AKAP6: variants seen among roughly 807,000 people sequenced by gnomAD.
AKAP6 encodes A-kinase anchoring protein 6.
In AKAP6, 58 loss-of-function variants were observed where a neutral mutation model predicts 188.5. That is an observed-to-expected ratio of 0.31 (90% CI 0.25 to 0.38). AKAP6 has a LOEUF of 0.38. AKAP6 is among the 10% of genes least tolerant of loss of function. The pLI is 1.00. For synonymous variants in AKAP6, 989 were observed against 998.6 expected (o/e 0.99, Z 0.18); for missense variants, 2,710 against 2,740.0 (o/e 0.99, Z 0.24).
intron 1 of AKAP6, among the ~76,000 whole-genome samples, chr14:32,390,348 G>A (rs918897338): frequency 1.3e-5 from 2 of 152,050 alleles, no homozygotes; most frequent in Admixed American, 6.6e-5. Flanking sequence ...TCTTTTTCAG[G>A]TAAATCAGGG....
intron 11 of AKAP6, among the ~76,000 whole-genome samples, chr14:32,741,819 G>GTTT (rs34015837): frequency 0.011 from 813 of 70,702 alleles, 82 homozygotes; most frequent in African/African-American, 0.038. Flanking sequence ...TAGCCTGTAG[G>GTTT]TTTTTTTTTT....
chr14:32,821,936 A>G lies in AKAP6; in HGVS notation c.4123A>G (p.Thr1375Ala). 3 of 1,613,942 alleles carry G rather than the reference A, an allele frequency of 1.9e-6. No individual in the cohort carries two copies. The highest frequency in any genetic ancestry group is 2.2e-5 in the East Asian group (1 of 44,870). ...TGTCAGTGAAGGAGACACAGAAACC[A>G]CTACCAACTCTGAAATGTGCTTGCT... ...GIVSEGDTET[T>A]TNSEMCLLNA... Residue 1375 changes from threonine (T) to alanine (A), a missense_variant, in exon 13 of 14, where the codon ACT becomes GCT. Coordinates refer to ENST00000280979, the MANE Select transcript of AKAP6 (RefSeq NM_004274.5).
chr14:32,745,882 C>G (rs924155679), intron 11 of AKAP6, among the ~76,000 whole-genome samples: 1 of 152,180 alleles, frequency 6.6e-6, no homozygotes, highest in Non-Finnish European at 1.5e-5. Flanking sequence ...ACTCAAATCA[C>G]AAGATGCAGT....
At chr14:32,800,145 CATATATACAT>C (rs1488695655) in intron 12 of AKAP6, among the ~76,000 whole-genome samples, 18 of 115,160 alleles carry the variant, frequency 1.6e-4, no homozygotes, top group East Asian at 4.4e-4. Flanking sequence ...TATATACACA[CATATATACAT>C]ATATATACAC....
At chr14:32,804,402 C>T (rs2034034698) in intron 12 of AKAP6, among the ~76,000 whole-genome samples, 4 of 152,030 alleles carry the variant, frequency 2.6e-5, no homozygotes, top group African/African-American at 9.7e-5. Context: ...TTGGTAGGAC[C>T]ACGAAGCCCG....
At chr14:32,519,787 C>T (rs1310397648) in intron 2 of AKAP6, among the ~76,000 whole-genome samples, 4 of 152,072 alleles carry the variant, frequency 2.6e-5, no homozygotes, top group South Asian at 4.2e-4. Flanking sequence ...GACAGATCAA[C>T]GAGACAGAAA....
intron 12 of AKAP6, among the ~76,000 whole-genome samples, chr14:32,788,040 C>CAAAAAAAAAAAAAAAAAAAAAA (rs10606532): frequency 1.0e-5 from 1 of 96,344 alleles, no homozygotes; most frequent in Non-Finnish European, 2.0e-5. Context: ...GACCCCATCT[C>CAAAAAAAAAAAAAAAAAAAAAA]AAAAAAAAAA....
At chr14:32,431,366 T>G (rs1890218865) in intron 1 of AKAP6, among the ~76,000 whole-genome samples, 1 of 152,226 alleles carries the variant, frequency 6.6e-6, no homozygotes, top group South Asian at 2.1e-4. Context: ...TTCTGCCTTT[T>G]GCATTCAGGT....
chr14:32,332,239 C>A (rs542565584), intron 1 of AKAP6, among the ~76,000 whole-genome samples: 9 of 152,094 alleles, frequency 5.9e-5, no homozygotes, highest in Non-Finnish European at 1.2e-4. Flanking sequence ...TGCTTACCCA[C>A]GGCCATCTCA....
At chr14:32,629,655 G>A (rs1887173109) in intron 7 of AKAP6, among the ~76,000 whole-genome samples, 1 of 149,796 alleles carries the variant, frequency 6.7e-6, no homozygotes, top group African/African-American at 2.5e-5. Flanking sequence ...AGAAGTTCAA[G>A]TGAAGCTAAT....
At chr14:32,781,198 T>C (rs767120298) in intron 12 of AKAP6, among the ~76,000 whole-genome samples, 50 of 151,592 alleles carry the variant, frequency 3.3e-4, no homozygotes, top group Non-Finnish European at 6.5e-4. Flanking sequence ...TCTAGCTAGA[T>C]TGATTAGGGA....
chr14:32,445,402 TCACTCTGTTGC>T (rs1890723175), intron 2 of AKAP6, among the ~76,000 whole-genome samples: 1 of 152,130 alleles, frequency 6.6e-6, no homozygotes, highest in Non-Finnish European at 1.5e-5. Flanking sequence ...AGATGGAGTC[TCACTCTGTTGC>T]CCAGGCTGGA....
At chr14:32,807,069 AAT>A (rs10570126) in intron 12 of AKAP6, among the ~76,000 whole-genome samples, 37,145 of 149,336 alleles carry the variant, frequency 0.25, 4,864 homozygotes, top group Admixed American at 0.35. Context: ...AAGGGGGGGA[AAT>A]ATATATATAT....
chr14:32,424,694 C>T (rs936630701), intron 1 of AKAP6, among the ~76,000 whole-genome samples: 3 of 152,134 alleles, frequency 2.0e-5, no homozygotes, highest in Non-Finnish European at 2.9e-5. Flanking sequence ...TATTGTTCAT[C>T]TCAGTGTGTC....
At chr14:32,768,845 C>T (rs957339734) in intron 11 of AKAP6, among the ~76,000 whole-genome samples, 5 of 151,848 alleles carry the variant, frequency 3.3e-5, no homozygotes, top group African/African-American at 4.8e-5. Flanking sequence ...ATTCAGAAGA[C>T]GTATAGTAGC....
chr14:32,705,283 C>A (rs12431588), intron 9 of AKAP6, among the ~76,000 whole-genome samples: 25 of 151,840 alleles, frequency 1.6e-4, no homozygotes, highest in Non-Finnish European at 3.1e-4. Context: ...GTGGGGAAGG[C>A]GCAGGAGAAT....
chr14:32,781,772 C>T (rs1031424284), intron 12 of AKAP6, among the ~76,000 whole-genome samples: 4 of 152,118 alleles, frequency 2.6e-5, no homozygotes, highest in African/African-American at 9.7e-5. Flanking sequence ...TGTAATTCAT[C>T]GTATTTGCAC....
At chr14:32,547,673 G>A (rs1440664884) in intron 4 of AKAP6, among the ~76,000 whole-genome samples, 1 of 152,060 alleles carries the variant, frequency 6.6e-6, no homozygotes, top group Non-Finnish European at 1.5e-5. Flanking sequence ...CTTGGGCAAT[G>A]TAGGGAGACC....
At chr14:32,430,037 G>T (rs370025269) in intron 1 of AKAP6, among the ~76,000 whole-genome samples, 1 of 152,196 alleles carries the variant, frequency 6.6e-6, no homozygotes, top group East Asian at 1.9e-4. Context: ...AACACAAAAC[G>T]TGTAAATAAT....
Sources: allele counts gnomAD v4.1 joint callset (sites outside exome capture counted in the v4.1 genomes callset), GRCh38; gene constraint gnomAD v4.1.1; transcripts MANE v1.5; gene names NCBI Gene and HGNC (gene_info 2026-07-23, HGNC 2026-07-21).